The following VPS53 variants were observed in gnomAD, a reference collection of about 807,000 sequenced individuals.
VPS53 encodes vacuolar protein sorting-associated protein 53 homolog.
A neutral mutation model predicts 107.0 loss-of-function variants in VPS53; 70 were observed. The observed-to-expected ratio is 0.65, with a 90% CI of 0.54 to 0.80. VPS53 has a LOEUF of 0.80. Among genes scored for constraint, VPS53 ranks in the 30% least tolerant of loss-of-function variants. The pLI is 0.00. For missense variants in VPS53, 917 were observed against 1,049.4 expected (o/e 0.87, Z 1.74); for synonymous variants, 409 against 393.3 (o/e 1.04, Z -0.47).
chr17:584,130 C>T (rs1244173409), intron 13 of VPS53, among the ~76,000 whole-genome samples: 1 of 152,226 alleles, frequency 6.6e-6, no homozygotes, highest in Non-Finnish European at 1.5e-5. Flanking sequence ...CAGGACTTTC[C>T]TGCAGCCGCT....
chr17:582,098 G>A (rs1285665244), intron 13 of VPS53, among the ~76,000 whole-genome samples: 1 of 147,476 alleles, frequency 6.8e-6, no homozygotes, highest in Non-Finnish European at 1.5e-5. Flanking sequence ...CAAACCTAAT[G>A]CGTTCCCAGA....
chr17:656,573 TG>T (rs1971195545), intron 5 of VPS53, among the ~76,000 whole-genome samples: 1 of 152,158 alleles, frequency 6.6e-6, no homozygotes. Flanking sequence ...AAGCTGTCTC[TG>T]GGAATGCAAG....
rs73281349 is a variant in VPS53, at chr17:653,519, A to G, written c.489-109T>C. 2,929 of 1,519,174 alleles carry G rather than the reference A, an allele frequency of 1.9e-3. 50 individuals are homozygous for G. The African/African-American group carries it at 0.036, about 19-fold the overall frequency. 94.1% of individuals were successfully genotyped at this position (1,519,174 alleles called of 1,614,324 possible). A position where few individuals can be genotyped will look rare whatever the true frequency, so the allele number is the denominator to read the frequency against. On this transcript the variant is annotated intron_variant, in intron 6 of 21. Transcript: ENST00000437048. Reference sequence around the variant, plus strand: ...AAACAGATATCAACTCAGCTGAATCAACGTTCGCTGAGCACTGAGTATATA... The same window carrying G: ...AAACAGATATCAACTCAGCTGAATCGACGTTCGCTGAGCACTGAGTATATA...
At chr17:602,214 G>A (rs1205447903) in intron 11 of VPS53, among the ~76,000 whole-genome samples, 1 of 152,212 alleles carries the variant, frequency 6.6e-6, no homozygotes, top group Admixed American at 6.5e-5. Flanking sequence ...CCTGACACGT[G>A]TTCCCAAACC....
intron 12 of VPS53, among the ~76,000 whole-genome samples, chr17:597,022 C>T (rs1474694093): frequency 6.6e-6 from 1 of 152,234 alleles, no homozygotes; most frequent in African/African-American, 2.4e-5. Context: ...CTTATTTCTG[C>T]TCCTTTCTGT....
At position 656,948 on chromosome 17, in the gene VPS53, G is replaced by A; in HGVS notation, c.373-995C>T. The A allele has an allele frequency of 3.6e-6, 4 of 1,102,478 alleles. No individual in the cohort carries two copies. The South Asian group carries it at 5.0e-5, about 14-fold the overall frequency. 68.3% of individuals were successfully genotyped at this position (1,102,478 alleles called of 1,614,324 possible). A position where few individuals can be genotyped will look rare whatever the true frequency, so the allele number is the denominator to read the frequency against. On this transcript the variant is annotated intron_variant, in intron 5 of 21. Transcript: ENST00000437048. ...TTGAGTGCCAAAGCTGTTGCCACTG[G>A]TGTCTTTCACATGAACCACGTCAGA...
At chr17:700,476 G>A (rs560110487) in intron 2 of VPS53, among the ~76,000 whole-genome samples, 3 of 152,012 alleles carry the variant, frequency 2.0e-5, no homozygotes, top group South Asian at 4.1e-4. Context: ...GCTTGAACCC[G>A]GGAGGCAGAG....
chr17:598,729 C>T (rs1235580857), intron 12 of VPS53, among the ~76,000 whole-genome samples: 3 of 131,980 alleles, frequency 2.3e-5, no homozygotes, highest in Admixed American at 7.8e-5. Context: ...GCCCGGCAAC[C>T]GCCCCGTCTG....
chr17:539,657 C>T (rs1445843016), intron 17 of VPS53, among the ~76,000 whole-genome samples: 1 of 152,150 alleles, frequency 6.6e-6, no homozygotes, highest in Non-Finnish European at 1.5e-5. Flanking sequence ...TGTGATTGTA[C>T]CACTGCACTC....
At chr17:560,661 G>C in intron 14 of VPS53, 88 bp from the exon 15 acceptor site, 1 of 1,499,732 alleles carries the variant, frequency 6.7e-7, no homozygotes, top group Non-Finnish European at 9.0e-7. Context: ...ATACAGAAAA[G>C]GGGGAAGTAA....
intron 6 of VPS53, 85 bp downstream of exon 6, chr17:655,753 G>A: frequency 1.6e-6 from 2 of 1,259,674 alleles, no homozygotes; most frequent in Admixed American, 2.5e-5. Flanking sequence ...GACTTTCCTG[G>A]CTGAGAAGTA....
At chr17:627,992 G>C (rs1472896911) in intron 9 of VPS53, 96 bp downstream of exon 9, 5 of 1,232,538 alleles carry the variant, frequency 4.1e-6, no homozygotes, top group Non-Finnish European at 5.6e-6. Context: ...CTGTCAGACA[G>C]TCATGTAATA....
intron 11 of VPS53, among the ~76,000 whole-genome samples, chr17:602,533 A>T (rs1968376300): frequency 6.6e-6 from 1 of 152,222 alleles, no homozygotes; most frequent in South Asian, 2.1e-4. Context: ...TCAGCTTCCA[A>T]ATATGACCAC....
Position 512,802 on chromosome 17 carries a change from A to G in VPS53, c.*6326T>C, listed in dbSNP as rs564545500. ...TCATGCGTGCAGGAGAGAAATCACT[A>G]AAGGACACAAGACTTCCCAAAGAGT... On this transcript the variant is annotated 3_prime_UTR_variant, in exon 22 of 22. Transcript: ENST00000437048. 6.6e-5 allele frequency: 10 copies of G among 151,810 alleles called. No homozygotes were observed. The highest frequency in any genetic ancestry group is 1.0e-4 in the Non-Finnish European group (7 of 67,938). 9.4% of individuals were successfully genotyped at this position (151,810 alleles called of 1,614,324 possible).
intron 7 of VPS53, among the ~76,000 whole-genome samples, chr17:648,135 C>T (rs1970781688): frequency 6.6e-6 from 1 of 152,204 alleles, no homozygotes; most frequent in South Asian, 2.1e-4. Context: ...CAGGTCTGGC[C>T]CCCCTCACTT....
At chr17:600,578 G>C (rs1968283413) in intron 12 of VPS53, among the ~76,000 whole-genome samples, 1 of 152,224 alleles carries the variant, frequency 6.6e-6, no homozygotes. Context: ...GCCTCCTCAA[G>C]ATGTCCCATC....
chr17:617,709 GC>G (rs1430906841), intron 11 of VPS53, among the ~76,000 whole-genome samples: 1 of 148,840 alleles, frequency 6.7e-6, no homozygotes, highest in Admixed American at 6.7e-5. Flanking sequence ...GCGCCATCAG[GC>G]CCCGCTATTA....
At position 598,152 on chromosome 17, in the gene VPS53, G is replaced by A. The variant is rs539543393; in HGVS notation, c.1218+3643C>T. On this transcript the variant is annotated intron_variant, in intron 12 of 21. Coordinates refer to ENST00000437048, the MANE Select transcript of VPS53 (RefSeq NM_001128159.3). ...ACACCTGACTGGTTTTGGTGGAGAC[G>A]GGGTTTCGCTGGGTTGGCCAGGCCG... Among the ~76,000 whole-genome samples the A allele has an allele frequency of 5.3e-5, 8 of 152,360 alleles. No individual in the cohort carries two copies. The South Asian group carries it at 1.2e-3, about 24-fold the overall frequency.
At chr17:597,785 G>A (rs541143924) in intron 12 of VPS53, among the ~76,000 whole-genome samples, 22 of 152,004 alleles carry the variant, frequency 1.4e-4, no homozygotes, top group African/African-American at 5.1e-4. Context: ...GGTCAGGCTG[G>A]TTTTGAACTC....
Sources: gnomAD v4.1 joint callset for allele counts (sites outside exome capture counted in the v4.1 genomes callset) on GRCh38, gnomAD v4.1.1 for gene constraint, MANE v1.5 for transcripts, NCBI Gene and HGNC (gene_info 2026-07-23, HGNC 2026-07-21) for gene names.